TOP1: variants seen among roughly 807,000 people sequenced by gnomAD.
The protein encoded by TOP1 is DNA topoisomerase I.
TOP1 carries 10 observed loss-of-function variants against 111.1 expected under a neutral mutation model. That is an observed-to-expected ratio of 0.09 (90% CI 0.06 to 0.15). The LOEUF (loss-of-function observed/expected upper bound fraction) is 0.15, where lower values mean the gene tolerates loss of function less well. Among genes scored for constraint, TOP1 ranks in the 10% least tolerant of loss-of-function variants. The pLI is 1.00. For missense variants in TOP1, 474 were observed against 926.7 expected, an observed-to-expected ratio of 0.51 and a Z score of 6.34; for synonymous variants, 271 against 302.9, an observed-to-expected ratio of 0.89 and a Z score of 1.10.
At chr20:41,076,840 T>C (rs2033733015) in intron 4 of TOP1, among the ~76,000 whole-genome samples, 1 of 152,226 alleles carries the variant, frequency 6.6e-6, no homozygotes, top group African/African-American at 2.4e-5. Flanking sequence ...AAGACATCTC[T>C]TCACCCCTGA....
intron 2 of TOP1, among the ~76,000 whole-genome samples, chr20:41,060,102 G>T (rs1423616863): frequency 6.6e-6 from 1 of 152,186 alleles, no homozygotes; most frequent in Non-Finnish European, 1.5e-5. Context: ...GTACAATTTG[G>T]CAATTTCCTG....
At chr20:41,057,412 C>T (rs1418035563) in intron 2 of TOP1, among the ~76,000 whole-genome samples, 1 of 151,988 alleles carries the variant, frequency 6.6e-6, no homozygotes, top group Non-Finnish European at 1.5e-5. Context: ...AAGTTATTGG[C>T]AGACTGTTAT....
rs751521239 is a variant in TOP1, at chr20:41,095,516, T to G, written c.731-1704T>G. Among the ~76,000 whole-genome samples, 2 of 152,200 alleles carry G rather than the reference T, an allele frequency of 1.3e-5. No homozygotes were observed. The highest frequency in any genetic ancestry group is 2.9e-5 in the Non-Finnish European group (2 of 68,034). ...ACAGCCTATCTTCCCCGAAGTGTCT[T>G]TCTTCCAAAGCAGAAGCTTGGGGGT... On this transcript the variant is annotated intron_variant, in intron 9 of 20. Coordinates refer to ENST00000361337, the MANE Select transcript of TOP1 (RefSeq NM_003286.4). This position sits in a 1 kb window ranked among gnomAD's most constrained non-coding sequence, Gnocchi z 4.6.
At position 41,065,058 on chromosome 20, in the gene TOP1, G is replaced by A. The variant is rs927705872; in HGVS notation, c.155+3568G>A. On this transcript the variant is annotated intron_variant, in intron 3 of 20. Coordinates refer to ENST00000361337, the MANE Select transcript of TOP1 (RefSeq NM_003286.4). Reference sequence around the variant, plus strand: ...TAGCTGGGATTAAGGTGCGTGCCCCGACACCCAGCTAATTTTTTGTATTTT... The same window carrying A: ...TAGCTGGGATTAAGGTGCGTGCCCCAACACCCAGCTAATTTTTTGTATTTT... Among the ~76,000 whole-genome samples the A allele has an allele frequency of 5.9e-5, 9 of 151,936 alleles. No individual in the cohort carries two copies. In the South Asian group the frequency reaches 1.5e-3, roughly 25 times the overall value.
At chr20:41,111,030 G>A (rs924507656) in intron 13 of TOP1, among the ~76,000 whole-genome samples, 15 of 152,162 alleles carry the variant, frequency 9.9e-5, no homozygotes, top group African/African-American at 2.2e-4. Flanking sequence ...AATGACGTGC[G>A]GGTTGGGTTT....
chr20:41,058,941 T>TA lies in TOP1; in HGVS notation c.59-2445dup, dbSNP rs1043569797. The stretch of plus-strand genomic sequence containing the variant: ...AATTTTCATTAATGGTAGACTGGAT[T>TA]AAAAAAAAGAATGTGGCGCATGTAC... On this transcript the variant is annotated intron_variant, in intron 2 of 20. Transcript: ENST00000361337. The surrounding 1 kb of genome is among the most constrained non-coding windows in gnomAD (Gnocchi z 4.2). Among the ~76,000 whole-genome samples, 5 of 151,780 alleles carry TA rather than the reference T, an allele frequency of 3.3e-5. No individual in the cohort carries two copies. The highest frequency in any genetic ancestry group is 4.8e-5 in the African/African-American group (2 of 41,286).
Position 41,058,638 on chromosome 20 carries a change from C to G in TOP1, c.59-2756C>G, listed in dbSNP as rs1045121260. 3.3e-5 allele frequency among the ~76,000 whole-genome samples: 5 copies of G among 152,122 alleles called. No individual in the cohort carries two copies. The highest frequency in any genetic ancestry group is 7.3e-5 in the Non-Finnish European group (5 of 68,030). The stretch of plus-strand genomic sequence containing the variant: ...TTATGGCCTAGTGTCGGAAGTTGCC[C>G]CCTCACAATTCCACTTCATCTTGTT... On this transcript the variant is annotated intron_variant, in intron 2 of 20. Coordinates refer to ENST00000361337, the MANE Select transcript of TOP1 (RefSeq NM_003286.4). This position sits in a 1 kb window ranked among gnomAD's most constrained non-coding sequence, Gnocchi z 4.2.
intron 9 of TOP1, among the ~76,000 whole-genome samples, chr20:41,093,185 C>T (rs1390218238): frequency 2.0e-5 from 3 of 152,124 alleles, no homozygotes; most frequent in Non-Finnish European, 4.4e-5. Context: ...CCTTATCTGT[C>T]GTTGGTATTT....
Position 41,100,309 on chromosome 20 carries a change from AT to A in TOP1, c.1163+67del. 7.2e-7 allele frequency: 1 copy of A among 1,383,606 alleles called. No homozygotes were observed. The highest frequency in any genetic ancestry group is 1.0e-6 in the Non-Finnish European group (1 of 999,020). The allele number at this position is 1,383,606 out of a possible 1,614,324, so 85.7% of individuals were successfully genotyped here. On this transcript the variant is annotated intron_variant, in intron 12 of 20. Coordinates refer to ENST00000361337, the MANE Select transcript of TOP1 (RefSeq NM_003286.4). This position sits in a 1 kb window ranked among gnomAD's most constrained non-coding sequence, Gnocchi z 4.4. ...AGGGCGTCCTTTATTGTACTTGGGA[AT>A]ATTTCCCAGGTTACACAGGACTGTT...
In TOP1 at chr20:41,080,213, A is replaced by G; in HGVS notation, c.431+33A>G. On this transcript the variant is annotated intron_variant, in intron 6 of 20. Coordinates refer to ENST00000361337, the MANE Select transcript of TOP1 (RefSeq NM_003286.4). This position sits in a 1 kb window ranked among gnomAD's most constrained non-coding sequence, Gnocchi z 5.0. ...TTTTCTTAAAACTTTGACTTTTGAA[A>G]ACAAAAAGGAGGAGTTTAAAGAATA... is the stretch of plus-strand genomic sequence containing the variant. The G allele has an allele frequency of 7.7e-7, 1 of 1,299,888 alleles. No homozygotes were observed. Among genetic ancestry groups the G allele is most frequent in the Non-Finnish European group, 1.1e-6 (1 of 916,154 alleles). 80.5% of individuals were successfully genotyped at this position (1,299,888 alleles called of 1,614,324 possible).
chr20:41,088,676 T>G (rs1339134512), intron 8 of TOP1, among the ~76,000 whole-genome samples: 1 of 152,038 alleles, frequency 6.6e-6, no homozygotes, highest in Non-Finnish European at 1.5e-5. Flanking sequence ...TTTTCTCTAT[T>G]TGGAGAGTAA....
chr20:41,112,947 C>A lies in TOP1; in HGVS notation c.1452+22C>A. On this transcript the variant is annotated intron_variant, in intron 14 of 20. Coordinates refer to ENST00000361337, the MANE Select transcript of TOP1 (RefSeq NM_003286.4). This position sits in a 1 kb window ranked among gnomAD's most constrained non-coding sequence, Gnocchi z 5.8. ...CAAGGTGAGAGCATCTTCCCATCGGCATTGTCTAGTGTTGAGCTTAACAAA... is the reference window on the plus strand; with the variant it reads ...CAAGGTGAGAGCATCTTCCCATCGGAATTGTCTAGTGTTGAGCTTAACAAA... 6.2e-7 allele frequency: 1 copy of A among 1,611,702 alleles called. No individual in the cohort carries two copies. The highest frequency in any genetic ancestry group is 8.5e-7 in the Non-Finnish European group (1 of 1,178,526).
At chr20:41,075,466 C>T (rs2033716083) in intron 3 of TOP1, among the ~76,000 whole-genome samples, 1 of 152,220 alleles carries the variant, frequency 6.6e-6, no homozygotes, top group Non-Finnish European at 1.5e-5. Flanking sequence ...CCACCGCGCC[C>T]AGCCCAAAAT....
At position 41,058,064 on chromosome 20, in the gene TOP1, C is replaced by T. The variant is rs1353829942; in HGVS notation, c.59-3330C>T. 6.6e-6 allele frequency among the ~76,000 whole-genome samples: 1 copy of T among 152,118 alleles called. No individual in the cohort carries two copies. The highest frequency in any genetic ancestry group is 1.5e-5 in the Non-Finnish European group (1 of 68,016). On this transcript the variant is annotated intron_variant, in intron 2 of 20. Transcript: ENST00000361337. This position sits in a 1 kb window ranked among gnomAD's most constrained non-coding sequence, Gnocchi z 4.2. ...GCTGCATGGAAGATTGAGTTCAAAT[C>T]CTACTTCTGACACCATATGATATTA...
At chr20:41,062,323 A>T (rs1449658781) in intron 3 of TOP1, among the ~76,000 whole-genome samples, 1 of 152,132 alleles carries the variant, frequency 6.6e-6, no homozygotes, top group Non-Finnish European at 1.5e-5. Context: ...AACTTGTCTG[A>T]TTGTCTGTAG....
intron 3 of TOP1, among the ~76,000 whole-genome samples, chr20:41,065,024 CCT>C (rs1247844147): frequency 6.6e-6 from 1 of 152,146 alleles, no homozygotes; most frequent in Non-Finnish European, 1.5e-5. Flanking sequence ...CCTGCCTCTG[CCT>C]CCCAAGTAGC....
At chr20:41,065,874 G>A (rs893180340) in intron 3 of TOP1, among the ~76,000 whole-genome samples, 10 of 151,950 alleles carry the variant, frequency 6.6e-5, no homozygotes, top group African/African-American at 2.4e-4. Flanking sequence ...TTCATTCTCC[G>A]GGGTGTATAC....
chr20:41,051,994 T>A (rs957616313), intron 2 of TOP1, among the ~76,000 whole-genome samples: 4 of 152,160 alleles, frequency 2.6e-5, no homozygotes, highest in African/African-American at 9.7e-5. Context: ...TGATTGACTT[T>A]CAAAATAAAA....
chr20:41,093,174 C>G (rs898253389), intron 9 of TOP1, among the ~76,000 whole-genome samples: 1 of 152,134 alleles, frequency 6.6e-6, no homozygotes, highest in Non-Finnish European at 1.5e-5. Flanking sequence ...TCAGAATTGT[C>G]CCTTATCTGT....
Sources: allele counts gnomAD v4.1 joint callset (sites outside exome capture counted in the v4.1 genomes callset), GRCh38; gene constraint gnomAD v4.1.1; non-coding constraint Gnocchi (gnomAD v3.1); transcripts MANE v1.5; gene names NCBI Gene and HGNC (gene_info 2026-07-23, HGNC 2026-07-21).